RHBDL3: variants seen among roughly 807,000 people sequenced by gnomAD.
RHBDL3 encodes rhomboid like 3, also known as rhomboid-related protein 3.
A neutral mutation model predicts 48.2 loss-of-function variants in RHBDL3; 28 were observed. The ratio of observed to expected loss-of-function variants is 0.58; its 90% CI spans 0.43 to 0.80. RHBDL3 has a LOEUF of 0.80. RHBDL3 is among the 30% of genes least tolerant of loss of function. RHBDL3 has a pLI of 0.00. For synonymous variants in RHBDL3, 208 were observed against 232.3 expected (o/e 0.90, Z 0.95); for missense variants, 464 against 542.7 (o/e 0.85, Z 1.44).
At chr17:32,283,616 C>T (rs1260256978) in intron 2 of RHBDL3, among the ~76,000 whole-genome samples, 1 of 152,078 alleles carries the variant, frequency 6.6e-6, no homozygotes, top group Non-Finnish European at 1.5e-5. Context: ...AGCCACTGCG[C>T]CTGGCCCGAT....
intron 6 of RHBDL3, 59 bp downstream of exon 6, chr17:32,298,263 C>T: frequency 8.5e-7 from 1 of 1,179,332 alleles, no homozygotes; most frequent in Non-Finnish European, 1.2e-6. Context: ...GGTGGGAGAC[C>T]CTGTGGGGCG....
At chr17:32,268,504 C>T (rs980659901) in intron 2 of RHBDL3, among the ~76,000 whole-genome samples, 1 of 152,068 alleles carries the variant, frequency 6.6e-6, no homozygotes, top group Non-Finnish European at 1.5e-5. Flanking sequence ...GTTGGGGGTG[C>T]CAAGTATTGG....
At chr17:32,294,528 A>C (rs961706601) in intron 5 of RHBDL3, 86 bp downstream of exon 5, 6 of 1,314,660 alleles carry the variant, frequency 4.6e-6, no homozygotes, top group Non-Finnish European at 6.1e-6. Context: ...TATAGTTTTT[A>C]GTTTATTTTT....
At chr17:32,271,324 TG>T (rs373969143) in intron 2 of RHBDL3, among the ~76,000 whole-genome samples, 334 of 152,394 alleles carry the variant, frequency 2.2e-3, no homozygotes, top group African/African-American at 7.8e-3. Flanking sequence ...GGTAAATTTT[TG>T]TGTGTGGTTG....
intron 2 of RHBDL3, among the ~76,000 whole-genome samples, chr17:32,278,896 G>A (rs1430005690): frequency 6.6e-6 from 1 of 152,214 alleles, no homozygotes; most frequent in Non-Finnish European, 1.5e-5. Context: ...CGAGGCCAAA[G>A]TGGGAGGATT....
At chr17:32,295,671 C>T (rs1007341250) in intron 5 of RHBDL3, among the ~76,000 whole-genome samples, 4 of 152,228 alleles carry the variant, frequency 2.6e-5, no homozygotes, top group Non-Finnish European at 5.9e-5. Context: ...CTCCTTGCTC[C>T]ATCCTCTGCC....
intron 6 of RHBDL3, among the ~76,000 whole-genome samples, chr17:32,299,218 G>C (rs939272705): frequency 2.0e-5 from 3 of 152,168 alleles, no homozygotes; most frequent in Non-Finnish European, 4.4e-5. Context: ...CAGGCAGGCA[G>C]GGACCCTGGG....
intron 6 of RHBDL3, among the ~76,000 whole-genome samples, chr17:32,300,080 C>G (rs1400111559): frequency 6.6e-6 from 1 of 152,190 alleles, no homozygotes; most frequent in Non-Finnish European, 1.5e-5. Context: ...TCTCCCCCAG[C>G]ACAGATATGG....
intron 7 of RHBDL3, among the ~76,000 whole-genome samples, chr17:32,309,669 G>T (rs4795692): frequency 0.53 from 80,692 of 151,718 alleles, 22,313 homozygotes; most frequent in Non-Finnish European, 0.6. Context: ...TTGTCTCATC[G>T]GTAATCCCAT....
At position 32,284,672 on chromosome 17, in the gene RHBDL3, A is replaced by T. The variant is rs749780147; in HGVS notation, c.149A>T (p.Asn50Ile). 2.5e-6 allele frequency: 4 copies of T among 1,614,058 alleles called. No individual in the cohort carries two copies. The Admixed American group carries it at 5.0e-5, about 20-fold the overall frequency. The change falls in exon 3 of 9, where the codon AAC (asparagine) becomes ATC (isoleucine). Residue 50 changes from asparagine to isoleucine, a missense_variant. Physicochemically the swap from Asn to Ile is moderately radical, Grantham distance 149. Transcript: ENST00000269051. Reference sequence around the variant, plus strand: ...CTTTTCCCTCAGTTTGACCCTGGGAACACAGGCTACATTAGCACAGGCAAG... The same window carrying T: ...CTTTTCCCTCAGTTTGACCCTGGGATCACAGGCTACATTAGCACAGGCAAG... ...KVLFDQFDPG[N>I]TGYISTGKFR... is the part of the protein sequence containing the mutation.
chr17:32,313,751 CTTTTTTTTT>C (rs559422433), intron 7 of RHBDL3, among the ~76,000 whole-genome samples: 2 of 98,638 alleles, frequency 2.0e-5, no homozygotes, highest in South Asian at 3.6e-4. Flanking sequence ...AATTCCCTCC[CTTTTTTTTT>C]TTTTTTTTTT....
chr17:32,289,007 G>GC lies in RHBDL3; in HGVS notation c.511dup (p.Leu171ProfsTer99), dbSNP rs2040264244. On this transcript the variant is annotated frameshift_variant, in exon 4 of 9. Coordinates refer to ENST00000269051, the MANE Select transcript of RHBDL3 (RefSeq NM_138328.3). LOFTEE classifies it high-confidence loss of function. ...CACCCTGGTTCATGATCACAGTCAC[G>GC]CTGCTGGAGGCAAGGACAAGGGTGG... 3 of 1,614,026 alleles carry GC rather than the reference G, an allele frequency of 1.9e-6. No individual in the cohort carries two copies. The highest frequency in any genetic ancestry group is 2.5e-6 in the Non-Finnish European group (3 of 1,179,908).
chr17:32,297,633 A>T (rs2040482701), intron 5 of RHBDL3, among the ~76,000 whole-genome samples: 2 of 142,768 alleles, frequency 1.4e-5, no homozygotes, highest in Admixed American at 1.4e-4. Flanking sequence ...TCACATGTTA[A>T]CTGATGGAGT....
chr17:32,267,272 A>G (rs2039656026), intron 1 of RHBDL3, among the ~76,000 whole-genome samples: 1 of 152,046 alleles, frequency 6.6e-6, no homozygotes, highest in Admixed American at 6.5e-5. Context: ...GCAGAATCTG[A>G]TGTAGTCACC....
intron 7 of RHBDL3, among the ~76,000 whole-genome samples, chr17:32,308,332 C>T (rs2040758959): frequency 1.3e-5 from 2 of 152,190 alleles, no homozygotes; most frequent in Admixed American, 1.3e-4. Context: ...CCTGTAATCC[C>T]AGCACTTTGG....
At chr17:32,311,168 T>C (rs2040840195) in intron 7 of RHBDL3, among the ~76,000 whole-genome samples, 1 of 152,232 alleles carries the variant, frequency 6.6e-6, no homozygotes, top group Admixed American at 6.5e-5. Flanking sequence ...GAGTACTATC[T>C]CACTCTTTGA....
At chr17:32,289,830 G>C (rs1180653135) in intron 4 of RHBDL3, among the ~76,000 whole-genome samples, 1 of 152,096 alleles carries the variant, frequency 6.6e-6, no homozygotes, top group Non-Finnish European at 1.5e-5. Flanking sequence ...CAAAGCCACG[G>C]GCCTAATTAC....
chr17:32,285,476 C>T (rs2040176532), intron 3 of RHBDL3, among the ~76,000 whole-genome samples: 1 of 151,918 alleles, frequency 6.6e-6, no homozygotes, highest in South Asian at 2.1e-4. Context: ...CCTGGGCTGC[C>T]AAAGAGGCTG....
intron 2 of RHBDL3, among the ~76,000 whole-genome samples, chr17:32,272,003 T>G (rs2039783473): frequency 6.6e-6 from 1 of 152,252 alleles, no homozygotes; most frequent in African/African-American, 2.4e-5. Context: ...TTACTCACTT[T>G]GTGATCGGAG....
Sources: allele counts gnomAD v4.1 joint callset (sites outside exome capture counted in the v4.1 genomes callset), GRCh38; gene constraint gnomAD v4.1.1; transcripts MANE v1.5; gene names NCBI Gene and HGNC (gene_info 2026-07-23, HGNC 2026-07-21).